Variants in CENPW observed in about 807,000 individuals in gnomAD.
CENPW encodes centromere protein W, also known as cancer-up-regulated gene 2 protein.
In CENPW, 3 loss-of-function variants were observed where a neutral mutation model predicts 11.1. That is an observed-to-expected ratio of 0.27 (90% CI 0.12 to 0.70). CENPW has a LOEUF of 0.70. Among genes scored for constraint, CENPW ranks in the 30% least tolerant of loss-of-function variants. The pLI, the probability that CENPW is intolerant of heterozygous loss-of-function variation, is 0.77. For missense variants in CENPW, 100 were observed against 105.6 expected, an observed-to-expected ratio of 0.95 and a Z score of 0.23; for synonymous variants, 38 against 42.0, an observed-to-expected ratio of 0.91 and a Z score of 0.37.
At chr6:126,430,256 A>G in the CENPW span, among the ~76,000 whole-genome samples, 1 of 152,228 alleles carries the variant, frequency 6.6e-6, no homozygotes, top group Non-Finnish European at 1.5e-5. Flanking sequence ...TTATATTTAC[A>G]AACAAGTGAT....
chr6:126,352,726 C>T (rs1377304326), downstream of CENPW, among the ~76,000 whole-genome samples: 1 of 152,004 alleles, frequency 6.6e-6, no homozygotes, highest in Non-Finnish European at 1.5e-5. Flanking sequence ...TTCATCTTAT[C>T]TGGTAGTCTT....
At chr6:126,396,702 C>T in the CENPW span, among the ~76,000 whole-genome samples, 1 of 152,054 alleles carries the variant, frequency 6.6e-6, no homozygotes, top group African/African-American at 2.4e-5. Context: ...CACCCAAGAC[C>T]AAAGACATAG....
At chr6:126,455,856 A>C in the CENPW span, among the ~76,000 whole-genome samples, 1 of 151,286 alleles carries the variant, frequency 6.6e-6, no homozygotes, top group African/African-American at 2.4e-5. Flanking sequence ...GATCTGATTA[A>C]AAAAAACTTC....
At chr6:126,456,415 C>T in the CENPW span, among the ~76,000 whole-genome samples, 1 of 151,528 alleles carries the variant, frequency 6.6e-6, no homozygotes. Context: ...TTACACCCAT[C>T]TGATCTTTGA....
chr6:126,461,384 TAATACATGTCCCA>T, the CENPW span, among the ~76,000 whole-genome samples: 1 of 151,936 alleles, frequency 6.6e-6, no homozygotes, highest in Non-Finnish European at 1.5e-5. Flanking sequence ...GCAAATGGAC[TAATACATGTCCCA>T]AATACTAAGT....
chr6:126,417,147 A>G, the CENPW span, among the ~76,000 whole-genome samples: 1 of 152,094 alleles, frequency 6.6e-6, no homozygotes, highest in African/African-American at 2.4e-5. Context: ...AAATCAAAGG[A>G]GATCATTTTG....
At chr6:126,402,411 T>C in the CENPW span, among the ~76,000 whole-genome samples, 1 of 151,996 alleles carries the variant, frequency 6.6e-6, no homozygotes, top group East Asian at 1.9e-4. Context: ...ACATCCAATT[T>C]TCACATTATT....
chr6:126,412,276 C>A, the CENPW span, among the ~76,000 whole-genome samples: 6 of 151,668 alleles, frequency 4.0e-5, no homozygotes, highest in Non-Finnish European at 8.8e-5. Flanking sequence ...GCATGAACGA[C>A]CACAGCCTGC....
At chr6:126,374,168 A>G in the CENPW span, among the ~76,000 whole-genome samples, 1 of 152,220 alleles carries the variant, frequency 6.6e-6, no homozygotes, top group Non-Finnish European at 1.5e-5. Flanking sequence ...ATGTCACTGC[A>G]TCAATAAGAA....
the CENPW span, among the ~76,000 whole-genome samples, chr6:126,369,031 T>C: frequency 2.0e-5 from 3 of 152,176 alleles, no homozygotes; most frequent in Non-Finnish European, 2.9e-5. Flanking sequence ...AGTGAGAACA[T>C]ACAATGTTTG....
the CENPW span, among the ~76,000 whole-genome samples, chr6:126,387,495 A>G: frequency 1.3e-5 from 2 of 151,964 alleles, no homozygotes; most frequent in Admixed American, 1.3e-4. Flanking sequence ...TTCAAGTGCA[A>G]TTAGTATATT....
chr6:126,480,233 C>T, the CENPW span, among the ~76,000 whole-genome samples: 1 of 151,854 alleles, frequency 6.6e-6, no homozygotes, highest in Non-Finnish European at 1.5e-5. Context: ...TAAGAAATTC[C>T]AGAGGGTCAA....
the CENPW span, among the ~76,000 whole-genome samples, chr6:126,469,682 G>A: frequency 1.3e-5 from 2 of 152,150 alleles, no homozygotes; most frequent in African/African-American, 2.4e-5. Flanking sequence ...ACAGTGATAT[G>A]GACAATGAAG....
chr6:126,361,409 C>T, the CENPW span, among the ~76,000 whole-genome samples: 1 of 152,086 alleles, frequency 6.6e-6, no homozygotes, highest in Non-Finnish European at 1.5e-5. Context: ...ATGCTTTCTT[C>T]CTCAACCTCC....
chr6:126,345,103 C>T (rs1244602836), intron 1 of CENPW, among the ~76,000 whole-genome samples: 2 of 151,808 alleles, frequency 1.3e-5, no homozygotes, highest in East Asian at 1.9e-4. Context: ...GACTTTAGCT[C>T]ACTTCACATT....
chr6:126,380,707 T>C, the CENPW span, among the ~76,000 whole-genome samples: 4 of 152,202 alleles, frequency 2.6e-5, no homozygotes, highest in South Asian at 2.1e-4. Flanking sequence ...AAAGATCCTA[T>C]TGGGCATCAA....
intron 1 of CENPW, among the ~76,000 whole-genome samples, chr6:126,344,614 T>C (rs1252481920): frequency 6.6e-6 from 1 of 152,218 alleles, no homozygotes; most frequent in African/African-American, 2.4e-5. Flanking sequence ...ATAATTGGAA[T>C]TGGGATGCTT....
the CENPW span, among the ~76,000 whole-genome samples, chr6:126,445,507 A>T: frequency 6.6e-6 from 1 of 151,198 alleles, no homozygotes; most frequent in Non-Finnish European, 1.5e-5. Flanking sequence ...ATTAACAATC[A>T]TTTTGCATAT....
At chr6:126,470,658 C>A in the CENPW span, among the ~76,000 whole-genome samples, 2 of 152,222 alleles carry the variant, frequency 1.3e-5, no homozygotes, top group African/African-American at 4.8e-5. Flanking sequence ...ACACTCAACA[C>A]CAGCCCATAA....
Sources: gnomAD v4.1 joint callset for allele counts (sites outside exome capture counted in the v4.1 genomes callset) on GRCh38, gnomAD v4.1.1 for gene constraint, MANE v1.5 for transcripts, NCBI Gene and HGNC (gene_info 2026-07-23, HGNC 2026-07-21) for gene names.